Variants in CLASP1 observed in about 807,000 individuals in gnomAD.
CLASP1 encodes CLIP-associating protein 1.
Under a neutral mutation model 192.3 loss-of-function variants are expected in CLASP1, and 38 were observed. That is an observed-to-expected ratio of 0.20 (90% CI 0.15 to 0.26). The LOEUF is 0.26. Ranked by LOEUF, CLASP1 falls within the 10% of genes least tolerant of loss-of-function variation. The probability of loss-of-function intolerance (pLI) is 1.00; values close to 1 mark genes in which losing one functional copy is unlikely to be tolerated. For synonymous variants in CLASP1, 691 were observed against 712.8 expected, an observed-to-expected ratio of 0.97 and a Z score of 0.49; for missense variants, 1,433 against 1,932.5, an observed-to-expected ratio of 0.74 and a Z score of 4.85.
chr2:121,370,959 T>C (rs897433249), intron 34 of CLASP1, among the ~76,000 whole-genome samples: 7 of 152,156 alleles, frequency 4.6e-5, no homozygotes, highest in African/African-American at 1.7e-4. Context: ...GAGGAATCAT[T>C]GAGAAGCCAC....
intron 9 of CLASP1, among the ~76,000 whole-genome samples, chr2:121,468,624 T>C (rs144589788): frequency 1.4e-4 from 21 of 152,312 alleles, no homozygotes; most frequent in African/African-American, 4.3e-4. Flanking sequence ...CACATTAATT[T>C]TGTATCCTGA....
chr2:121,401,636 T>C (rs965951011), exon 28 of CLASP1: 1 of 1,612,250 alleles, frequency 6.2e-7, no homozygotes, highest in African/African-American at 1.3e-5. Context: ...TGAATTATTA[T>C]AAAATCCACA....
chr2:121,419,078 G>A (rs2079069593), intron 22 of CLASP1, among the ~76,000 whole-genome samples: 1 of 152,200 alleles, frequency 6.6e-6, no homozygotes, highest in Non-Finnish European at 1.5e-5. Context: ...GTTTTTATGA[G>A]CTTAGCAAAC....
chr2:121,636,420 T>C (rs975876998), intron 1 of CLASP1, among the ~76,000 whole-genome samples: 3 of 150,868 alleles, frequency 2.0e-5, no homozygotes, highest in Admixed American at 1.3e-4. Context: ...TCCCAACACT[T>C]TGGGAGGCCG....
At chr2:121,534,990 G>A (rs923529788) in intron 2 of CLASP1, among the ~76,000 whole-genome samples, 4 of 152,242 alleles carry the variant, frequency 2.6e-5, no homozygotes, top group Non-Finnish European at 5.9e-5. Context: ...AAGTCAGGCC[G>A]AGTGTGGTGT....
At chr2:121,554,129 C>T (rs1202649137) in intron 2 of CLASP1, among the ~76,000 whole-genome samples, 1 of 150,998 alleles carries the variant, frequency 6.6e-6, no homozygotes, top group African/African-American at 2.4e-5. Context: ...GGTGGGAGGA[C>T]CAGTTGAGCC....
At chr2:121,505,842 T>C (rs1368421043) in intron 7 of CLASP1, among the ~76,000 whole-genome samples, 1 of 152,086 alleles carries the variant, frequency 6.6e-6, no homozygotes, top group Non-Finnish European at 1.5e-5. Context: ...TTCAAATTAG[T>C]TCCTTCCTAG....
At chr2:121,530,017 A>T (rs897730749) in intron 3 of CLASP1, among the ~76,000 whole-genome samples, 1 of 142,890 alleles carries the variant, frequency 7.0e-6, no homozygotes, top group African/African-American at 2.6e-5. Flanking sequence ...CCCAGAGGCC[A>T]GGGGAGTCCA....
At chr2:121,571,678 A>G (rs938620038) in intron 2 of CLASP1, among the ~76,000 whole-genome samples, 3 of 152,224 alleles carry the variant, frequency 2.0e-5, no homozygotes, top group African/African-American at 7.2e-5. Context: ...TGAGTCTTCA[A>G]TCATGAAAAG....
chr2:121,376,849 G>A (rs1232136179), intron 34 of CLASP1, among the ~76,000 whole-genome samples: 1 of 152,158 alleles, frequency 6.6e-6, no homozygotes, highest in Non-Finnish European at 1.5e-5. Flanking sequence ...TCTAGGTTGC[G>A]TGGTCCTTAT....
intron 37 of CLASP1, among the ~76,000 whole-genome samples, chr2:121,350,310 A>G (rs2064127972): frequency 6.6e-6 from 1 of 152,246 alleles, no homozygotes; most frequent in African/African-American, 2.4e-5. Flanking sequence ...CATATGGATC[A>G]TCTGGAAAGC....
chr2:121,619,923 T>C (rs1462705632), intron 1 of CLASP1, among the ~76,000 whole-genome samples: 2 of 152,116 alleles, frequency 1.3e-5, no homozygotes, highest in Non-Finnish European at 2.9e-5. Flanking sequence ...CTTTTATATC[T>C]GTTAGAAATT....
chr2:121,398,458 A>G, intron 28 of CLASP1, 58 bp from the exon 30 acceptor site: 1 of 1,169,024 alleles, frequency 8.6e-7, no homozygotes, highest in East Asian at 2.6e-5. Context: ...AAACAATGTA[A>G]AACTATTTAA....
chr2:121,547,756 T>C (rs1360827992), intron 2 of CLASP1, among the ~76,000 whole-genome samples: 1 of 151,318 alleles, frequency 6.6e-6, no homozygotes, highest in East Asian at 1.9e-4. Flanking sequence ...CAAGCAAGAG[T>C]GTACCATGAC....
At chr2:121,368,592 T>C (rs1026907672) in intron 34 of CLASP1, among the ~76,000 whole-genome samples, 4 of 152,318 alleles carry the variant, frequency 2.6e-5, no homozygotes, top group South Asian at 2.1e-4. Context: ...ACCACTGGTC[T>C]AGCCCCTTTG....
intron 8 of CLASP1, among the ~76,000 whole-genome samples, chr2:121,484,758 A>C (rs1182585769): frequency 6.6e-6 from 1 of 152,214 alleles, no homozygotes; most frequent in African/African-American, 2.4e-5. Context: ...TGAGTTCATA[A>C]GTAAAGCATT....
chr2:121,591,470 T>C (rs184209577), intron 2 of CLASP1, among the ~76,000 whole-genome samples: 2 of 152,298 alleles, frequency 1.3e-5, no homozygotes, highest in African/African-American at 4.8e-5. Context: ...ACTGCTGCGG[T>C]GTGTGGGTGA....
intron 37 of CLASP1, among the ~76,000 whole-genome samples, chr2:121,361,851 T>TAAC (rs2066471687): frequency 6.6e-6 from 1 of 152,226 alleles, no homozygotes. Flanking sequence ...AAGCCAGATT[T>TAAC]TGGAAACCCA....
intron 2 of CLASP1, among the ~76,000 whole-genome samples, chr2:121,539,098 C>T (rs1455285631): frequency 6.6e-6 from 1 of 152,108 alleles, no homozygotes; most frequent in Non-Finnish European, 1.5e-5. Flanking sequence ...CCAAATTGAT[C>T]TAAACATTCA....
Sources: allele counts gnomAD v4.1 joint callset (sites outside exome capture counted in the v4.1 genomes callset), GRCh38; gene constraint gnomAD v4.1.1; transcripts MANE v1.5; gene names NCBI Gene and HGNC (gene_info 2026-07-23, HGNC 2026-07-21).